Variants in SLCO3A1 observed in about 807,000 individuals in gnomAD.
The protein encoded by SLCO3A1 is PGE1 transporter.
Under a neutral mutation model 63.1 loss-of-function variants are expected in SLCO3A1, and 27 were observed. The observed-to-expected ratio is 0.43, with a 90% CI of 0.32 to 0.59. The LOEUF is 0.59. Among genes scored for constraint, SLCO3A1 ranks in the 20% least tolerant of loss-of-function variants. The pLI is 0.09. For missense variants in SLCO3A1, 773 were observed against 945.8 expected (o/e 0.82, Z 2.40); for synonymous variants, 473 against 409.9 (o/e 1.15, Z -1.86).
chr15:92,066,358 CG>C (rs1392306625), intron 2 of SLCO3A1, among the ~76,000 whole-genome samples: 2 of 152,204 alleles, frequency 1.3e-5, no homozygotes, highest in African/African-American at 4.8e-5. Context: ...TCTCAAAAAT[CG>C]GAGAAAATTG....
intron 1 of SLCO3A1, among the ~76,000 whole-genome samples, chr15:91,869,308 G>A (rs902865294): frequency 6.6e-6 from 1 of 152,068 alleles, no homozygotes; most frequent in Non-Finnish European, 1.5e-5. Flanking sequence ...GGCCGAGGTG[G>A]GTGGATCAGT....
intron 1 of SLCO3A1, among the ~76,000 whole-genome samples, chr15:91,891,152 AAAAG>A (rs1283913796): frequency 6.6e-6 from 1 of 152,050 alleles, no homozygotes; most frequent in African/African-American, 2.4e-5. Flanking sequence ...AAAAAAAAAA[AAAAG>A]AGTGATAGAA....
chr15:91,912,285 GT>G lies in SLCO3A1; in HGVS notation c.181-3707del, dbSNP rs1898511297. Among the ~76,000 whole-genome samples, 1 of 152,126 alleles carries G rather than the reference GT, an allele frequency of 6.6e-6. No homozygotes were observed. The highest frequency in any genetic ancestry group is 2.4e-5 in the African/African-American group (1 of 41,410). On this transcript the variant is annotated intron_variant, in intron 1 of 9. Coordinates refer to ENST00000318445, the MANE Select transcript of SLCO3A1 (RefSeq NM_013272.4). The surrounding 1 kb of genome is among the most constrained non-coding windows in gnomAD (Gnocchi z 5.0). Reference sequence around the variant, plus strand: ...CTTCTCAAAATTGTGTTTTAAATGAGTGAAAACATTAGCCTCTGATCTAATT... The same window carrying G: ...CTTCTCAAAATTGTGTTTTAAATGAGGAAAACATTAGCCTCTGATCTAATT...
At chr15:91,963,767 CAGTG>C (rs1427710009) in intron 2 of SLCO3A1, among the ~76,000 whole-genome samples, 1 of 152,068 alleles carries the variant, frequency 6.6e-6, no homozygotes, top group African/African-American at 2.4e-5. Context: ...CAGACCTTCG[CAGTG>C]AGTATTACAG....
At chr15:91,917,698 C>A (rs1199744901) in intron 2 of SLCO3A1, among the ~76,000 whole-genome samples, 1 of 152,054 alleles carries the variant, frequency 6.6e-6, no homozygotes, top group Non-Finnish European at 1.5e-5. Flanking sequence ...TAGGGGTTTC[C>A]ATTATTACCT....
intron 2 of SLCO3A1, among the ~76,000 whole-genome samples, chr15:92,060,917 T>C (rs962715525): frequency 1.3e-5 from 2 of 152,148 alleles, no homozygotes; most frequent in East Asian, 3.9e-4. Context: ...CAAGACATAA[T>C]TGGGTGATGG....
rs1435305896 is a variant in SLCO3A1 at position 92,165,452 on chromosome 15, C to A, written c.*2317C>A. 2.2e-5 allele frequency: 22 copies of A among 983,778 alleles called. No homozygotes were observed. Among genetic ancestry groups the A allele is most frequent in the Non-Finnish European group, 2.5e-5 (21 of 828,656 alleles). 60.9% of individuals were successfully genotyped at this position (983,778 alleles called of 1,614,324 possible). A position where few individuals can be genotyped will look rare whatever the true frequency, so the allele number is the denominator to read the frequency against. ...TGCTTGGCCCTTCAAACTCAGTACA[C>A]ACACACTGAGGCCCTTTGACCTAGT... On this transcript the variant is annotated 3_prime_UTR_variant, in exon 10 of 10. Transcript: ENST00000318445.
chr15:92,107,395 C>T (rs1221540155), intron 4 of SLCO3A1, among the ~76,000 whole-genome samples: 1 of 152,180 alleles, frequency 6.6e-6, no homozygotes, highest in Non-Finnish European at 1.5e-5. Context: ...TTTATTTCTC[C>T]ATGCGAGACA....
chr15:92,002,348 C>T (rs1397480800), intron 2 of SLCO3A1, among the ~76,000 whole-genome samples: 18 of 152,190 alleles, frequency 1.2e-4, no homozygotes, highest in Non-Finnish European at 5.9e-5. Context: ...AGTGGAAACT[C>T]ACTCTGGAAA....
intron 2 of SLCO3A1, among the ~76,000 whole-genome samples, chr15:92,050,837 C>T (rs1025982756): frequency 2.6e-5 from 4 of 152,190 alleles, no homozygotes; most frequent in African/African-American, 4.8e-5. Flanking sequence ...TATGCTGTTA[C>T]GGCTCGGGAT....
At chr15:92,010,153 G>C (rs2046353778) in intron 2 of SLCO3A1, among the ~76,000 whole-genome samples, 1 of 152,194 alleles carries the variant, frequency 6.6e-6, no homozygotes, top group African/African-American at 2.4e-5. Flanking sequence ...ACTCAGCACA[G>C]GACCCTGGAA....
At chr15:92,043,630 T>G (rs2046825107) in intron 2 of SLCO3A1, among the ~76,000 whole-genome samples, 1 of 152,208 alleles carries the variant, frequency 6.6e-6, no homozygotes, top group African/African-American at 2.4e-5. Flanking sequence ...TTTATTTCAT[T>G]TGTATTCCTT....
At chr15:91,947,239 C>T (rs1268836697) in intron 2 of SLCO3A1, among the ~76,000 whole-genome samples, 44 of 152,196 alleles carry the variant, frequency 2.9e-4, no homozygotes, top group East Asian at 1.9e-4. Context: ...CCCTCCTTGT[C>T]GAGGACCGTC....
Position 91,863,849 on chromosome 15 carries a change from G to T in SLCO3A1, c.180+9761G>T, listed in dbSNP as rs1187077158. Reference sequence around the variant, plus strand: ...CCCAGTGCTGGTACATACTTTGTAGGTTGGGAGGCTTAACATGCCAGTGAC... The same window carrying T: ...CCCAGTGCTGGTACATACTTTGTAGTTTGGGAGGCTTAACATGCCAGTGAC... On this transcript the variant is annotated intron_variant, in intron 1 of 9. Coordinates refer to ENST00000318445, the MANE Select transcript of SLCO3A1 (RefSeq NM_013272.4). This position sits in a 1 kb window ranked among gnomAD's most constrained non-coding sequence, Gnocchi z 4.3. 6.6e-6 allele frequency among the ~76,000 whole-genome samples: 1 copy of T among 152,200 alleles called. No homozygotes were observed. Among genetic ancestry groups the T allele is most frequent in the Non-Finnish European group, 1.5e-5 (1 of 68,032 alleles).
chr15:92,097,280 G>A (rs1003157375), intron 3 of SLCO3A1, among the ~76,000 whole-genome samples: 1 of 152,294 alleles, frequency 6.6e-6, no homozygotes, highest in East Asian at 1.9e-4. Context: ...TCCAAGGAAT[G>A]TATCTCTATA....
intron 2 of SLCO3A1, among the ~76,000 whole-genome samples, chr15:91,923,536 G>C (rs1282939193): frequency 6.6e-6 from 1 of 152,202 alleles, no homozygotes; most frequent in African/African-American, 2.4e-5. Context: ...CCAGAGTATG[G>C]CCATTGCCCC....
chr15:92,055,053 T>C (rs2047005383), intron 2 of SLCO3A1, among the ~76,000 whole-genome samples: 1 of 152,228 alleles, frequency 6.6e-6, no homozygotes, highest in African/African-American at 2.4e-5. Context: ...GTTGAACTAG[T>C]TTACATTCCC....
intron 4 of SLCO3A1, among the ~76,000 whole-genome samples, chr15:92,116,690 G>A (rs547500880): frequency 6.6e-6 from 1 of 152,222 alleles, no homozygotes; most frequent in Non-Finnish European, 1.5e-5. Context: ...TTGAAACACA[G>A]GGTTGGCCCT....
At chr15:92,153,862 G>T (rs1030250321) in intron 9 of SLCO3A1, among the ~76,000 whole-genome samples, 1 of 152,182 alleles carries the variant, frequency 6.6e-6, no homozygotes. Context: ...TGGGGGGAAA[G>T]GGGGGACAGA....
Sources: gnomAD v4.1 joint callset for allele counts (sites outside exome capture counted in the v4.1 genomes callset) on GRCh38, gnomAD v4.1.1 for gene constraint, Gnocchi (gnomAD v3.1) non-coding constraint, MANE v1.5 for transcripts, NCBI Gene and HGNC (gene_info 2026-07-23, HGNC 2026-07-21) for gene names.